Variants in MED28 observed in about 807,000 individuals in gnomAD.
MED28 encodes mediator of RNA polymerase II transcription subunit 28.
In MED28, 26 loss-of-function variants were observed where a neutral mutation model predicts 21.3. The ratio of observed to expected loss-of-function variants is 1.22; its 90% confidence interval spans 0.89 to 1.69. The LOEUF is 1.69. Ranked by LOEUF, MED28 falls within the 40% of genes most tolerant of loss-of-function variation. The probability of loss-of-function intolerance (pLI) is 0.00; values close to 1 mark genes in which losing one functional copy is unlikely to be tolerated. For missense variants in MED28, 257 were observed against 215.4 expected (o/e 1.19, Z -1.21); for synonymous variants, 110 against 87.6 (o/e 1.26, Z -1.43).
At position 17,624,117 on chromosome 4, in the gene MED28, C is replaced by CT. The variant is rs1714712276; in HGVS notation, c.*324dup. ...TTTAAATTTTTGCATGACTTTTCAT[C>CT]TTTTTATGTGTGTTTCCTGTAGTTT... On this transcript the variant is annotated 3_prime_UTR_variant, in exon 4 of 4. Transcript: ENST00000237380. The CT allele has an allele frequency of 3.0e-6, 1 of 332,638 alleles. No individual in the cohort carries two copies. The highest frequency in any genetic ancestry group is 3.4e-5 in the South Asian group (1 of 29,262). 20.6% of individuals were successfully genotyped at this position (332,638 alleles called of 1,614,324 possible).
rs1341541828 is a variant in MED28 at position 17,626,459 on chromosome 4, G to A, written c.*2661G>A. On this transcript the variant is annotated 3_prime_UTR_variant, in exon 4 of 4. Coordinates refer to ENST00000237380, the MANE Select transcript of MED28 (RefSeq NM_025205.5). ...GTGAGTTTTCACACCCCTCTTCCCT[G>A]GTCAGTGTGTTGATAACAGCCCACC... 1 of 152,208 alleles carries A rather than the reference G, an allele frequency of 6.6e-6. No homozygotes were observed. Among genetic ancestry groups the A allele is most frequent in the Non-Finnish European group, 1.5e-5 (1 of 68,068 alleles). The allele number at this position is 152,208 out of a possible 1,614,324, so 9.4% of individuals were successfully genotyped here.
In MED28 at chr4:17,633,913, G is replaced by GTGCAA. The variant is rs1388315240; in HGVS notation, c.*10126_*10130dup. 2.9e-6 allele frequency: 4 copies of GTGCAA among 1,397,404 alleles called. No individual in the cohort carries two copies. Among genetic ancestry groups the GTGCAA allele is most frequent in the Non-Finnish European group, 3.8e-6 (4 of 1,064,256 alleles). The allele number at this position is 1,397,404 out of a possible 1,614,324, so 86.6% of individuals were successfully genotyped here. ...TCTGTTTGTATTAATGGACAGGTTA[G>GTGCAA]TGCAATGCAATGCAAAAAACAAAAT... On this transcript the variant is annotated 3_prime_UTR_variant, in exon 4 of 4. Coordinates refer to ENST00000237380, the MANE Select transcript of MED28 (RefSeq NM_025205.5).
rs7684560 is a variant in MED28 at position 17,624,272 on chromosome 4, C to T, written c.*474C>T. 6,307 of 167,074 alleles carry T rather than the reference C, an allele frequency of 0.038. 423 individuals carry two copies. Among genetic ancestry groups the T allele is most frequent in the African/African-American group, 0.14 (5,971 of 41,600 alleles). 10.3% of individuals were successfully genotyped at this position (167,074 alleles called of 1,614,324 possible). ...ATTTGCTCTGTTTTAAGACTTTGAA[C>T]TACCTCAAGAAGAGGAATCTAATAC... On this transcript the variant is annotated 3_prime_UTR_variant, in exon 4 of 4. Coordinates refer to ENST00000237380, the MANE Select transcript of MED28 (RefSeq NM_025205.5).
At chr4:17,621,000 G>C (rs1714610630) in intron 2 of MED28, among the ~76,000 whole-genome samples, 1 of 148,218 alleles carries the variant, frequency 6.7e-6, no homozygotes, top group South Asian at 2.1e-4. Context: ...GAGCCACCAC[G>C]CTTGGCCTCT....
Position 17,617,326 on chromosome 4 carries a change from C to G in MED28, c.159+2513C>G, listed in dbSNP as rs1205487055. On this transcript the variant is annotated intron_variant, in intron 1 of 3. Transcript: ENST00000237380. ...GTGGCACATAGCAGCACCTACTTACCTGCTTCTCATTCCTATTGGGGTGCC... is the reference window on the plus strand; with the variant it reads ...GTGGCACATAGCAGCACCTACTTACGTGCTTCTCATTCCTATTGGGGTGCC... 2.0e-5 allele frequency among the ~76,000 whole-genome samples: 3 copies of G among 152,334 alleles called. No homozygotes were observed. In the East Asian group the frequency reaches 5.8e-4, roughly 29 times the overall value.
intron 1 of MED28, 29 bp downstream of exon 1, chr4:17,614,842 C>T (rs1714399597): frequency 1.3e-6 from 2 of 1,558,782 alleles, no homozygotes; most frequent in Non-Finnish European, 8.7e-7. Context: ...GTCTTTGTCC[C>T]TAGCCTTCCC....
In MED28 at chr4:17,632,191, C is replaced by G. The variant is rs1365661213; in HGVS notation, c.*8393C>G. On this transcript the variant is annotated 3_prime_UTR_variant, in exon 4 of 4. Coordinates refer to ENST00000237380, the MANE Select transcript of MED28 (RefSeq NM_025205.5). ...CTAGGTTCAAGTGATCCTCCCGCCT[C>G]AGTCCCCCAAGTACCTGGGACCACA... 1 of 157,230 alleles carries G rather than the reference C, an allele frequency of 6.4e-6. No individual in the cohort carries two copies. Among genetic ancestry groups the G allele is most frequent in the South Asian group, 1.9e-4 (1 of 5,250 alleles). 9.7% of individuals were successfully genotyped at this position (157,230 alleles called of 1,614,324 possible).
intron 1 of MED28, among the ~76,000 whole-genome samples, chr4:17,616,771 G>C (rs1158221434): frequency 6.6e-6 from 1 of 152,134 alleles, no homozygotes; most frequent in Non-Finnish European, 1.5e-5. Context: ...AACCTGTAGT[G>C]CTAATACAGT....
chr4:17,620,009 A>G, intron 2 of MED28, 42 bp downstream of exon 2: 4 of 1,541,170 alleles, frequency 2.6e-6, no homozygotes, highest in Non-Finnish European at 3.6e-6. Context: ...GGGCTTCAGC[A>G]GTATTTCCTA....
chr4:17,619,792 G>T (rs747963994), intron 1 of MED28, 109 bp from the exon 2 acceptor site: 2 of 892,710 alleles, frequency 2.2e-6, no homozygotes, highest in Non-Finnish European at 3.6e-6. Flanking sequence ...TGCAAACACA[G>T]ATGCTGCCAC....
intron 2 of MED28, 22 bp from the exon 3 acceptor site, chr4:17,621,565 A>C (rs1269225524): frequency 6.8e-7 from 1 of 1,465,864 alleles, no homozygotes; most frequent in African/African-American, 1.4e-5. Context: ...TATTTTAATA[A>C]TTTTGTTCCT....
In MED28 at chr4:17,630,910, C is replaced by G. The variant is rs1459752455; in HGVS notation, c.*7112C>G. 1.3e-5 allele frequency: 2 copies of G among 152,090 alleles called. No individual in the cohort carries two copies. Among genetic ancestry groups the G allele is most frequent in the East Asian group, 1.9e-4 (1 of 5,202 alleles). The allele number at this position is 152,090 out of a possible 1,614,324, so 9.4% of individuals were successfully genotyped here. The stretch of plus-strand genomic sequence containing the variant: ...CAACCATTTTTATTGCCCAGTTATT[C>G]AAAGTTTTATTCAAAGAGCAAAGAT... On this transcript the variant is annotated 3_prime_UTR_variant, in exon 4 of 4. Transcript: ENST00000237380.
At chr4:17,616,449 C>A (rs1265145994) in intron 1 of MED28, among the ~76,000 whole-genome samples, 3 of 152,182 alleles carry the variant, frequency 2.0e-5, no homozygotes, top group Non-Finnish European at 4.4e-5. Flanking sequence ...AAAGTTGACT[C>A]CCAGCACCCT....
chr4:17,632,679 G>A lies in MED28; in HGVS notation c.*8881G>A. The A allele has an allele frequency of 8.6e-7, 1 of 1,160,150 alleles. No homozygotes were observed. The highest frequency in any genetic ancestry group is 1.2e-6 in the Non-Finnish European group (1 of 803,338). The allele number at this position is 1,160,150 out of a possible 1,614,324, so 71.9% of individuals were successfully genotyped here. A position where few individuals can be genotyped will look rare whatever the true frequency, so the allele number is the denominator to read the frequency against. ...GGTTTTGAAAACTATGCAAGAAGCA[G>A]CTTAATACCCACCATCTTTTCAGGG... On this transcript the variant is annotated 3_prime_UTR_variant, in exon 4 of 4. Transcript: ENST00000237380.
chr4:17,632,043 ATTTTTTTTTTTTTTTT>A lies in MED28; in HGVS notation c.*8274_*8289del, dbSNP rs199549580. 1.1e-3 allele frequency: 124 copies of A among 117,600 alleles called. No individual in the cohort carries two copies. The highest frequency in any genetic ancestry group is 3.1e-3 in the African/African-American group (91 of 29,330). 7.3% of individuals were successfully genotyped at this position (117,600 alleles called of 1,614,324 possible). A position where few individuals can be genotyped will look rare whatever the true frequency, so the allele number is the denominator to read the frequency against. On this transcript the variant is annotated 3_prime_UTR_variant, in exon 4 of 4. Coordinates refer to ENST00000237380, the MANE Select transcript of MED28 (RefSeq NM_025205.5). ...TTTTAATAACACTGGTTTAATGTCA[ATTTTTTTTTTTTTTTT>A]TTTTTTTTTTTTTTTTTTTTTTTTT...
At position 17,623,683 on chromosome 4, in the gene MED28, A is replaced by G; in HGVS notation, c.422A>G (p.Gln141Arg). ...KHLTKLRHWQ[Q>R]VLEDINVQHK... ...TTGACAAAGCTGAGGCATTGGCAGC[A>G]GGTGCTGGAGGACATCAACGTGCAG... Residue 141 changes from glutamine (Q) to arginine (R), a missense_variant, in exon 4 of 4, where the codon CAG becomes CGG. Transcript: ENST00000237380. The G allele has an allele frequency of 1.2e-6, 2 of 1,614,264 alleles. No homozygotes were observed. The highest frequency in any genetic ancestry group is 8.5e-7 in the Non-Finnish European group (1 of 1,180,050).
chr4:17,621,296 G>C (rs1714622104), intron 2 of MED28, among the ~76,000 whole-genome samples: 1 of 152,012 alleles, frequency 6.6e-6, no homozygotes, highest in African/African-American at 2.4e-5. Flanking sequence ...ACAGGCTTGA[G>C]CCACCATGCC....
At position 17,633,363 on chromosome 4, in the gene MED28, G is replaced by A. The variant is rs192423312; in HGVS notation, c.*9565G>A. 1.1e-3 allele frequency: 227 copies of A among 199,146 alleles called. 3 individuals carry two copies. The South Asian group carries it at 0.024, about 21-fold the overall frequency. The allele number at this position is 199,146 out of a possible 1,614,324, so 12.3% of individuals were successfully genotyped here. On this transcript the variant is annotated 3_prime_UTR_variant, in exon 4 of 4. Coordinates refer to ENST00000237380, the MANE Select transcript of MED28 (RefSeq NM_025205.5). ...TATGGATTAATTCCTTTAGTCTCAC[G>A]TCAGTCTGATGAGATAGGTGCTGTA...
rs918919312 is a variant in MED28 at position 17,631,267 on chromosome 4, G to A, written c.*7469G>A. 4.6e-5 allele frequency: 7 copies of A among 152,080 alleles called. No individual in the cohort carries two copies. Among genetic ancestry groups the A allele is most frequent in the African/African-American group, 1.7e-4 (7 of 41,366 alleles). 9.4% of individuals were successfully genotyped at this position (152,080 alleles called of 1,614,324 possible). On this transcript the variant is annotated 3_prime_UTR_variant, in exon 4 of 4. Coordinates refer to ENST00000237380, the MANE Select transcript of MED28 (RefSeq NM_025205.5). ...GGATCTCACTATCTTGCCCAGGCTG[G>A]TCTCGAACTCTTGGGCTCATGCTGT...
Sources: allele counts gnomAD v4.1 joint callset (sites outside exome capture counted in the v4.1 genomes callset), GRCh38; gene constraint gnomAD v4.1.1; transcripts MANE v1.5; gene names NCBI Gene and HGNC (gene_info 2026-07-23, HGNC 2026-07-21).